Variants in SLC6A19 observed in about 807,000 individuals in gnomAD.
The protein encoded by SLC6A19 is solute carrier family 6 member 19, also known as sodium-dependent neutral amino acid transporter B(0)AT1.
Under a neutral mutation model 68.3 loss-of-function variants are expected in SLC6A19, and 67 were observed. That is an observed-to-expected ratio of 0.98 (90% confidence interval 0.81 to 1.20). The LOEUF is 1.20. SLC6A19 is among the 50% of genes most tolerant of loss of function. SLC6A19 has a pLI of 0.00. For missense variants in SLC6A19, 813 were observed against 851.6 expected, an observed-to-expected ratio of 0.95 and a Z score of 0.56; for synonymous variants, 392 against 374.9, an observed-to-expected ratio of 1.05 and a Z score of -0.53.
intron 3 of SLC6A19, among the ~76,000 whole-genome samples, chr5:1,210,845 C>T (rs573674950): frequency 1.6e-4 from 24 of 152,318 alleles, no homozygotes; most frequent in Non-Finnish European, 3.4e-4. Flanking sequence ...CCCCGGTCAC[C>T]AGCCTGGAGC....
rs1745941375 is a variant in SLC6A19, at chr5:1,209,072, G to T, written c.343+186G>T. Among the ~76,000 whole-genome samples, 1 of 152,198 alleles carries T rather than the reference G, an allele frequency of 6.6e-6. No homozygotes were observed. The highest frequency in any genetic ancestry group is 6.5e-5 in the Admixed American group (1 of 15,294). On this transcript the variant is annotated intron_variant, in intron 2 of 11. Coordinates refer to ENST00000304460, the MANE Select transcript of SLC6A19 (RefSeq NM_001003841.3). This position sits in a 1 kb window ranked among gnomAD's most constrained non-coding sequence, Gnocchi z 5.5. ...CCTTTGGAAACTCCAGGCCACTCCTGTTCACCAGGAACCAGACAGGCCAGC... is the reference window on the plus strand; with the variant it reads ...CCTTTGGAAACTCCAGGCCACTCCTTTTCACCAGGAACCAGACAGGCCAGC...
At chr5:1,205,310 C>T (rs568680949) in intron 1 of SLC6A19, among the ~76,000 whole-genome samples, 10 of 152,382 alleles carry the variant, frequency 6.6e-5, no homozygotes, top group African/African-American at 2.4e-4. Context: ...ATTCTGGTGG[C>T]TTTAATTGTC....
At chr5:1,208,118 T>C (rs546968142) in intron 1 of SLC6A19, among the ~76,000 whole-genome samples, 1 of 152,338 alleles carries the variant, frequency 6.6e-6, no homozygotes, top group Admixed American at 6.5e-5. Flanking sequence ...ACATCCACAA[T>C]GCCATGTAAC....
At chr5:1,219,706 G>A (rs779214072) in intron 10 of SLC6A19, 42 bp downstream of exon 10, 2 of 1,599,814 alleles carry the variant, frequency 1.3e-6, no homozygotes, top group Admixed American at 3.3e-5. Flanking sequence ...ATGCAGAAAA[G>A]CCAGGTCACA....
rs1208013436 is a variant in SLC6A19 at position 1,210,465 on chromosome 5, C to A, written c.365C>A (p.Ser122Tyr). ...GCAGGCCTGGCCTCCATGCTCACGT[C>A]CTTCATGGTGGGACTGTATTACAAC... ...KGLGLASMLT[S>Y]FMVGLYYNTI... Residue 122 changes from serine (S) to tyrosine (Y), a missense_variant, in exon 3 of 12, where the codon TCC becomes TAC. Physicochemically the swap from Ser to Tyr is moderately radical, Grantham distance 144. Coordinates refer to ENST00000304460, the MANE Select transcript of SLC6A19 (RefSeq NM_001003841.3). The A allele has an allele frequency of 6.2e-7, 1 of 1,613,214 alleles. No homozygotes were observed. Among genetic ancestry groups the A allele is most frequent in the Non-Finnish European group, 8.5e-7 (1 of 1,180,042 alleles).
chr5:1,211,084 C>T (rs890520377), intron 3 of SLC6A19, among the ~76,000 whole-genome samples: 3 of 152,192 alleles, frequency 2.0e-5, no homozygotes, highest in African/African-American at 7.2e-5. Flanking sequence ...CACGGCGATT[C>T]ACACGTGGTC....
chr5:1,221,103 T>A, intron 10 of SLC6A19, 48 bp from the exon 11 acceptor site: 1 of 1,601,690 alleles, frequency 6.2e-7, no homozygotes, highest in Non-Finnish European at 8.5e-7. Context: ...CTTAGCGAGT[T>A]GAAGCCCAGC....
In SLC6A19 at chr5:1,215,630, G is replaced by A. The variant is rs150423227; in HGVS notation, c.888-928G>A. ...ATATTTCATGGTGTGCATGGGCTAC[G>A]GTTTGTGCATATCCATCCATGGACA... On this transcript the variant is annotated intron_variant, in intron 6 of 11. Coordinates refer to ENST00000304460, the MANE Select transcript of SLC6A19 (RefSeq NM_001003841.3). This position sits in a 1 kb window ranked among gnomAD's most constrained non-coding sequence, Gnocchi z 5.1. Among the ~76,000 whole-genome samples, 35 of 152,370 alleles carry A rather than the reference G, an allele frequency of 2.3e-4. No individual in the cohort carries two copies. The highest frequency in any genetic ancestry group is 9.6e-4 in the East Asian group (5 of 5,190).
At chr5:1,203,375 G>A (rs544105934) in intron 1 of SLC6A19, among the ~76,000 whole-genome samples, 15 of 152,290 alleles carry the variant, frequency 9.8e-5, no homozygotes, top group South Asian at 2.1e-4. Context: ...GGGTGCTGGC[G>A]CTGCACCCTG....
intron 1 of SLC6A19, among the ~76,000 whole-genome samples, chr5:1,204,889 G>A (rs1049153027): frequency 1.3e-5 from 2 of 149,120 alleles, no homozygotes; most frequent in East Asian, 2.0e-4. Flanking sequence ...TTTACTTGGT[G>A]CCACAAACAC....
In SLC6A19 at chr5:1,209,481, C is replaced by CT. The variant is rs1372959537; in HGVS notation, c.343+596dup. On this transcript the variant is annotated intron_variant, in intron 2 of 11. Transcript: ENST00000304460. The surrounding 1 kb of genome is among the most constrained non-coding windows in gnomAD (Gnocchi z 5.5). Reference sequence around the variant, plus strand: ...GAAGCCTGCAGGCCTGGAGCAGAGCCTACACCCTCATCCCAGCCTCTCCCT... The same window carrying CT: ...GAAGCCTGCAGGCCTGGAGCAGAGCCTTACACCCTCATCCCAGCCTCTCCCT... Among the ~76,000 whole-genome samples, 2 of 152,072 alleles carry CT rather than the reference C, an allele frequency of 1.3e-5. No homozygotes were observed. The highest frequency in any genetic ancestry group is 4.8e-5 in the African/African-American group (2 of 41,412).
Position 1,212,550 on chromosome 5 carries a change from G to T in SLC6A19, c.663+66G>T. 1 of 1,585,922 alleles carries T rather than the reference G, an allele frequency of 6.3e-7. No homozygotes were observed. The highest frequency in any genetic ancestry group is 1.1e-5 in the South Asian group (1 of 90,486). On this transcript the variant is annotated intron_variant, in intron 4 of 11. Transcript: ENST00000304460. This position sits in a 1 kb window ranked among gnomAD's most constrained non-coding sequence, Gnocchi z 5.1. Reference sequence around the variant, plus strand: ...GCGGGTGCGGGCAGCCCTGCCTCCGGCCGGCTGCACTCTAAAACCCAGGTC... The same window carrying T: ...GCGGGTGCGGGCAGCCCTGCCTCCGTCCGGCTGCACTCTAAAACCCAGGTC...
chr5:1,209,284 C>T lies in SLC6A19; in HGVS notation c.343+398C>T, dbSNP rs1228242911. On this transcript the variant is annotated intron_variant, in intron 2 of 11. Coordinates refer to ENST00000304460, the MANE Select transcript of SLC6A19 (RefSeq NM_001003841.3). The surrounding 1 kb of genome is among the most constrained non-coding windows in gnomAD (Gnocchi z 5.5). ...GGTCCCCAGCACTGACACCCCCAGA[C>T]ATAGTCACTCATTTATAAGCTCTGG... 3.3e-5 allele frequency among the ~76,000 whole-genome samples: 5 copies of T among 152,176 alleles called. No individual in the cohort carries two copies. Among genetic ancestry groups the T allele is most frequent in the East Asian group, 3.9e-4 (2 of 5,190 alleles).
At chr5:1,207,964 C>T (rs931465844) in intron 1 of SLC6A19, among the ~76,000 whole-genome samples, 1 of 152,212 alleles carries the variant, frequency 6.6e-6, no homozygotes, top group African/African-American at 2.4e-5. Flanking sequence ...GTAGATCCCC[C>T]ATAAGACAAG....
rs933234912 is a variant in SLC6A19, at chr5:1,214,751, G to A, written c.887+686G>A. Among the ~76,000 whole-genome samples the A allele has an allele frequency of 6.6e-6, 1 of 151,736 alleles. No homozygotes were observed. Among genetic ancestry groups the A allele is most frequent in the Admixed American group, 6.6e-5 (1 of 15,228 alleles). ...AGGGAGGACTCCTAGGGGTCAGGGT[G>A]GCCCTCCAGGCTGTGAAGGTGCGAT... On this transcript the variant is annotated intron_variant, in intron 6 of 11. Transcript: ENST00000304460. The surrounding 1 kb of genome is among the most constrained non-coding windows in gnomAD (Gnocchi z 7.4).
chr5:1,214,028 G>A lies in SLC6A19; in HGVS notation c.850G>A (p.Gly284Arg), dbSNP rs200842846. The A allele has an allele frequency of 9.9e-6, 16 of 1,613,838 alleles. No homozygotes were observed. Among genetic ancestry groups the A allele is most frequent in the East Asian group, 4.5e-5 (2 of 44,888 alleles). Reference protein sequence around the residue: ...QVFFSFSLAFGGLISFSSYNS... With the variant: ...QVFFSFSLAFRGLISFSSYNS... Reference sequence around the variant, plus strand: ...CTTCTTCTCCTTCTCCCTGGCCTTCGGGGGCCTCATCTCCTTCTCCAGCTA... The same window carrying A: ...CTTCTTCTCCTTCTCCCTGGCCTTCAGGGGCCTCATCTCCTTCTCCAGCTA... The change falls in exon 6 of 12, where the codon GGG (glycine) becomes AGG (arginine). Residue 284 changes from glycine to arginine, a missense_variant. Transcript: ENST00000304460. This position sits in a 1 kb window ranked among gnomAD's most constrained non-coding sequence, Gnocchi z 7.4.
chr5:1,221,294 G>C lies in SLC6A19; in HGVS notation c.1682G>C (p.Ser561Thr). The C allele has an allele frequency of 6.2e-7, 1 of 1,613,862 alleles. No homozygotes were observed. Among genetic ancestry groups the C allele is most frequent in the Non-Finnish European group, 8.5e-7 (1 of 1,180,026 alleles). ...GAGGTCAGTCAGGAGCTGACCTACA[G>C]CATCTGGGACCCTGGCTACGTAAGT... ...VVEVSQELTY[S>T]IWDPGYEEFP... The change falls in exon 11 of 12, where the codon AGC becomes ACC. Residue 561 changes from serine (S) to threonine (T), a missense_variant. By Grantham distance (58) the Ser-to-Thr change is moderately conservative. Transcript: ENST00000304460.
At chr5:1,211,720 T>C (rs1395892071) in intron 3 of SLC6A19, among the ~76,000 whole-genome samples, 2 of 147,246 alleles carry the variant, frequency 1.4e-5, no homozygotes, top group Non-Finnish European at 3.0e-5. Flanking sequence ...AGGTACAGTA[T>C]CGGATATGCA....
At chr5:1,208,716 CT>C in intron 1 of SLC6A19, 29 bp from the exon 2 acceptor site, 2 of 1,613,272 alleles carry the variant, frequency 1.2e-6, no homozygotes, top group Non-Finnish European at 1.7e-6. Flanking sequence ...GGGAACGGCT[CT>C]CAGGCATGGT....
Sources: gnomAD v4.1 joint callset for allele counts (sites outside exome capture counted in the v4.1 genomes callset) on GRCh38, gnomAD v4.1.1 for gene constraint, Gnocchi (gnomAD v3.1) non-coding constraint, MANE v1.5 for transcripts, NCBI Gene and HGNC (gene_info 2026-07-23, HGNC 2026-07-21) for gene names.